Variants in SYTL2 observed in about 807,000 individuals in gnomAD.
SYTL2 encodes synaptotagmin-like protein 2.
Under a neutral mutation model 198.7 loss-of-function variants are expected in SYTL2, and 165 were observed. That is an observed-to-expected ratio of 0.83 (90% CI 0.73 to 0.94). SYTL2 has a LOEUF of 0.94. SYTL2 is among the 40% of genes least tolerant of loss of function. The pLI, the probability that SYTL2 is intolerant of heterozygous loss-of-function variation, is 0.00. For missense variants in SYTL2, 2,835 were observed against 2,582.8 expected, an observed-to-expected ratio of 1.10 and a Z score of -2.12; for synonymous variants, 966 against 917.7, an observed-to-expected ratio of 1.05 and a Z score of -0.95.
At chr11:85,745,110 A>G (rs1410689231) in intron 4 of SYTL2, among the ~76,000 whole-genome samples, 1 of 152,216 alleles carries the variant, frequency 6.6e-6, no homozygotes, top group Non-Finnish European at 1.5e-5. Flanking sequence ...TTTCAGGTAT[A>G]TATTATTGTT....
At chr11:85,820,916 C>T in the SYTL2 span, among the ~76,000 whole-genome samples, 1 of 152,178 alleles carries the variant, frequency 6.6e-6, no homozygotes, top group Non-Finnish European at 1.5e-5. Context: ...ATAATCCCTG[C>T]CTTCAAGGAA....
chr11:85,780,874 G>A (rs1410754079), intron 1 of SYTL2, among the ~76,000 whole-genome samples: 1 of 152,202 alleles, frequency 6.6e-6, no homozygotes, highest in African/African-American at 2.4e-5. Flanking sequence ...GTGGGACTGG[G>A]CCCTCAGCCT....
At chr11:85,708,730 G>A (rs2085664542) in intron 14 of SYTL2, among the ~76,000 whole-genome samples, 1 of 151,116 alleles carries the variant, frequency 6.6e-6, no homozygotes, top group African/African-American at 2.4e-5. Flanking sequence ...ACATATATGG[G>A]TTACTTGTCT....
chr11:85,782,500 T>C (rs2092577421), intron 1 of SYTL2, among the ~76,000 whole-genome samples: 1 of 152,260 alleles, frequency 6.6e-6, no homozygotes, highest in Admixed American at 6.5e-5. Context: ...TGCAAATGTA[T>C]GCAGCCAGCT....
chr11:85,834,987 T>G, the SYTL2 span, among the ~76,000 whole-genome samples: 1 of 152,130 alleles, frequency 6.6e-6, no homozygotes, highest in East Asian at 1.9e-4. Context: ...CTTCAACTCC[T>G]GGCTGCAAGC....
Position 85,724,048 on chromosome 11 carries a change from G to T in SYTL2, c.5310C>A (p.Ser1770Arg), listed in dbSNP as rs545142392. The stretch of plus-strand genomic sequence containing the variant: ...AATGCTCACTGGAAGGATTTCTCCA[G>T]CTCTCTGCATTAGAACTGGTGTTTC... Reference protein sequence around the residue: ...SDGNTSSNAESWRNPSSSEEE... With the variant: ...SDGNTSSNAERWRNPSSSEEE... Residue 1770 changes from serine to arginine, a missense_variant, in exon 8 of 20, where the codon AGC (serine) becomes AGA (arginine). Physicochemically the swap from Ser to Arg is moderately radical, Grantham distance 110 (BLOSUM62 -1). Transcript: ENST00000359152. The T allele has an allele frequency of 1.3e-6, 2 of 1,495,110 alleles. No individual in the cohort carries two copies. The highest frequency in any genetic ancestry group is 1.8e-6 in the Non-Finnish European group (2 of 1,129,266). 92.6% of individuals were successfully genotyped at this position (1,495,110 alleles called of 1,614,324 possible). A position where few individuals can be genotyped will look rare whatever the true frequency, so the allele number is the denominator to read the frequency against.
chr11:85,817,784 T>G, the SYTL2 span, among the ~76,000 whole-genome samples: 1 of 152,208 alleles, frequency 6.6e-6, no homozygotes, highest in Non-Finnish European at 1.5e-5. Flanking sequence ...CTTACATCTG[T>G]GTTAGTTACT....
In SYTL2 at chr11:85,725,037, C is replaced by A. The variant is rs2088928161; in HGVS notation, c.4321G>T (p.Asp1441Tyr). ...TAAGATCCAACTTCATGAGTTTTAT[C>A]AGGAACTACATTGGAGGAATAAAAA... ...KDFYSSNVVP[D>Y]KTHEVGSYLA... is the part of the protein sequence containing the mutation. The change falls in exon 8 of 20, where the codon GAT becomes TAT. Residue 1441 changes from aspartate (D) to tyrosine (Y), a missense_variant. By Grantham distance (160) the Asp-to-Tyr change is radical (BLOSUM62 -3). Transcript: ENST00000359152. The A allele has an allele frequency of 2.5e-6, 4 of 1,614,174 alleles. No individual in the cohort carries two copies. Among genetic ancestry groups the A allele is most frequent in the Non-Finnish European group, 3.4e-6 (4 of 1,180,012 alleles).
At chr11:85,773,437 C>G (rs547436043) in intron 1 of SYTL2, among the ~76,000 whole-genome samples, 15 of 152,350 alleles carry the variant, frequency 9.8e-5, no homozygotes, top group South Asian at 8.3e-4. Flanking sequence ...AGTCATCTTT[C>G]AAGACAGAGT....
intron 7 of SYTL2, 81 bp downstream of exon 7, chr11:85,733,858 C>T (rs2090078223): frequency 2.5e-6 from 3 of 1,179,322 alleles, no homozygotes; most frequent in Non-Finnish European, 3.6e-6. Context: ...CTCGGCCTCC[C>T]AAAGTGCTGG....
intron 1 of SYTL2, among the ~76,000 whole-genome samples, chr11:85,779,615 G>A (rs1477206371): frequency 6.8e-6 from 1 of 147,796 alleles, no homozygotes; most frequent in African/African-American, 2.5e-5. Flanking sequence ...TAAACATATG[G>A]AACAGATAAA....
intron 16 of SYTL2, among the ~76,000 whole-genome samples, chr11:85,700,809 C>T (rs1363516211): frequency 6.6e-6 from 1 of 152,158 alleles, no homozygotes; most frequent in Non-Finnish European, 1.5e-5. Flanking sequence ...GCAGGATACC[C>T]AGAAAATATT....
In SYTL2 at chr11:85,797,626, CAAAAAAA is replaced by C. The variant is rs563235406; in HGVS notation, c.-390+13321_-390+13327del. On this transcript the variant is annotated intron_variant, in intron 1 of 19. Transcript: ENST00000359152. Reference sequence around the variant, plus strand: ...TGGGAGACAGAGCGAGACTCCTTCTCAAAAAAAAAAAAAAGAAAAGAAAAAGAAAAAG... The same window carrying C: ...TGGGAGACAGAGCGAGACTCCTTCTCAAAAAAAGAAAAGAAAAAGAAAAAG... Among the ~76,000 whole-genome samples, 4 of 87,410 alleles carry C rather than the reference CAAAAAAA, an allele frequency of 4.6e-5. No individual in the cohort carries two copies. In the South Asian group the frequency reaches 1.4e-3, roughly 31 times the overall value. 57.3% of individuals were successfully genotyped at this position (87,410 alleles called of 152,430 possible).
At chr11:85,833,831 C>A in the SYTL2 span, among the ~76,000 whole-genome samples, 2 of 150,312 alleles carry the variant, frequency 1.3e-5, no homozygotes, top group Non-Finnish European at 2.9e-5. Flanking sequence ...CTCCGCCTCT[C>A]GGGTTCAAGC....
chr11:85,753,367 G>A (rs2091664482), intron 2 of SYTL2, among the ~76,000 whole-genome samples: 1 of 152,030 alleles, frequency 6.6e-6, no homozygotes, highest in South Asian at 2.1e-4. Context: ...GCGATACATG[G>A]TAATAACTGG....
intron 17 of SYTL2, 34 bp from the exon 18 acceptor site, chr11:85,698,112 C>G (rs774639544): frequency 2.8e-6 from 4 of 1,451,438 alleles, no homozygotes; most frequent in African/African-American, 2.8e-5. Context: ...ATTTTCACTG[C>G]CAGTTCTCCC....
At chr11:85,697,428 T>G (rs745801920) in intron 18 of SYTL2, among the ~76,000 whole-genome samples, 11 of 152,228 alleles carry the variant, frequency 7.2e-5, no homozygotes, top group Non-Finnish European at 1.3e-4. Context: ...GAGAGCATAC[T>G]AATATCTGTT....
At chr11:85,844,589 A>G in the SYTL2 span, among the ~76,000 whole-genome samples, 3 of 152,196 alleles carry the variant, frequency 2.0e-5, no homozygotes, top group Non-Finnish European at 4.4e-5. Context: ...GAGTCATAGA[A>G]GACTTCAGAG....
rs1336279961 is a variant in SYTL2, at chr11:85,757,740, G to A, written c.-15C>T. On this transcript the variant is annotated 5_prime_UTR_variant, in exon 2 of 20. Transcript: ENST00000359152. ...AAGTCAATCATTTTGAAAAGTGCAT[G>A]CAAAAATAATAGCAACAAATGTGGC... The A allele has an allele frequency of 6.2e-7, 1 of 1,609,940 alleles. No individual in the cohort carries two copies.
Sources: allele counts gnomAD v4.1 joint callset (sites outside exome capture counted in the v4.1 genomes callset), GRCh38; gene constraint gnomAD v4.1.1; transcripts MANE v1.5; gene names NCBI Gene and HGNC (gene_info 2026-07-23, HGNC 2026-07-21).